Variants in ZNF251 observed in about 807,000 individuals in gnomAD.
The protein encoded by ZNF251 is zinc finger protein 251.
A neutral mutation model predicts 13.5 loss-of-function variants in ZNF251; 14 were observed. The observed-to-expected ratio is 1.04, with a 90% confidence interval of 0.69 to 1.63. The LOEUF (loss-of-function observed/expected upper bound fraction) is 1.63. ZNF251 is among the 40% of genes most tolerant of loss of function. ZNF251 has a pLI of 0.00. For missense variants in ZNF251, 764 were observed against 834.9 expected (o/e 0.92, Z 1.05); for synonymous variants, 287 against 295.2 (o/e 0.97, Z 0.28).
intron 1 of ZNF251, 76 bp from the exon 2 acceptor site, chr8:144,754,879 T>G: frequency 6.8e-7 from 1 of 1,465,692 alleles, no homozygotes; most frequent in Non-Finnish European, 9.0e-7. Context: ...AGAAGCTGAT[T>G]GCTGCTGTGG....
At chr8:144,723,437 T>A (rs1377772687) in intron 4 of ZNF251, 55 bp from the exon 5 acceptor site, 8 of 1,304,744 alleles carry the variant, frequency 6.1e-6, no homozygotes, top group Non-Finnish European at 8.0e-6. Flanking sequence ...TCAGGCATAA[T>A]GTCCATAATG....
chr8:144,722,221 T>C lies in ZNF251; in HGVS notation c.1439A>G (p.Gln480Arg). 6.2e-7 allele frequency: 1 copy of C among 1,613,852 alleles called. No individual in the cohort carries two copies. Among genetic ancestry groups the C allele is most frequent in the Non-Finnish European group, 8.5e-7 (1 of 1,179,934 alleles). ...GGGCTTCTCTCCAGTGTGAACTCGC[T>C]GATGTAGGGTGAGCTGGGAGCTCTG... ...FSQSSQLTLH[Q>R]RVHTGEKPYD... The change falls in exon 5 of 5, where the codon CAG becomes CGG. Residue 480 changes from glutamine to arginine, a missense_variant. Physicochemically the swap from Gln to Arg is conservative, Grantham distance 43. Transcript: ENST00000292562. This position sits in a 1 kb window ranked among gnomAD's most constrained non-coding sequence, Gnocchi z 4.8.
At chr8:144,741,372 TCACA>T (rs1195823392) in intron 4 of ZNF251, among the ~76,000 whole-genome samples, 6 of 150,788 alleles carry the variant, frequency 4.0e-5, no homozygotes, top group Admixed American at 6.6e-5. Context: ...ATACACACAC[TCACA>T]CACACTCACA....
In ZNF251 at chr8:144,722,051, T is replaced by A. The variant is rs1823385771; in HGVS notation, c.1609A>T (p.Ile537Phe). 2 of 1,613,400 alleles carry A rather than the reference T, an allele frequency of 1.2e-6. No homozygotes were observed. Among genetic ancestry groups the A allele is most frequent in the Non-Finnish European group, 1.7e-6 (2 of 1,179,650 alleles). The change falls in exon 5 of 5, where the codon ATT (isoleucine) becomes TTT (phenylalanine). Residue 537 changes from isoleucine to phenylalanine, a missense_variant. Physicochemically the swap from Ile to Phe is conservative, Grantham distance 21 (BLOSUM62 0). Transcript: ENST00000292562. This position sits in a 1 kb window ranked among gnomAD's most constrained non-coding sequence, Gnocchi z 4.8. ...CTGCCGTGCTTCTCTCCAGTGGGAA[T>A]CTGTCCATCTGCTGTGAGGCTGGAG... The part of the protein sequence containing the change: ...HGSSLTADGQ[I>F]PTGEKHGRAF...
chr8:144,735,759 T>C (rs1176772218), intron 4 of ZNF251, among the ~76,000 whole-genome samples: 1 of 152,176 alleles, frequency 6.6e-6, no homozygotes, highest in African/African-American at 2.4e-5. Flanking sequence ...TGCTAAGTGA[T>C]GGCAGACAGC....
At position 144,721,702 on chromosome 8, in the gene ZNF251, T is replaced by A; in HGVS notation, c.1958A>T (p.Asp653Val). The change falls in exon 5 of 5, where the codon GAT becomes GTT. Residue 653 changes from aspartate to valine, a missense_variant. By Grantham distance (152) the Asp-to-Val change is radical. Transcript: ENST00000292562. The part of the protein sequence containing the change: ...TRVGEKPALN[D>V]GSKRYFIHIK... Reference sequence around the variant, plus strand: ...ATGAATAAAGTATCTTTTAGAGCCATCATTTAAAGCAGGTTTCTCTCCAAC... The same window carrying A: ...ATGAATAAAGTATCTTTTAGAGCCAACATTTAAAGCAGGTTTCTCTCCAAC... 1 of 1,372,344 alleles carries A rather than the reference T, an allele frequency of 7.3e-7. No homozygotes were observed. Among genetic ancestry groups the A allele is most frequent in the Non-Finnish European group, 9.5e-7 (1 of 1,054,588 alleles). The allele number at this position is 1,372,344 out of a possible 1,614,324, so 85.0% of individuals were successfully genotyped here.
rs1410780747 is a variant in ZNF251, at chr8:144,754,321, C to G, written c.34G>C (p.Glu12Gln). Reference sequence around the variant, plus strand: ...ACATCCTGGAAGGTCAGCGGCATCTCCTGCAACAAAACATCGCCGCTGCCC... The same window carrying G: ...ACATCCTGGAAGGTCAGCGGCATCTGCTGCAACAAAACATCGCCGCTGCCC... ...AATFQLPGHQEMPLTFQDVAV... is the reference protein window; with the variant it reads ...AATFQLPGHQQMPLTFQDVAV... The change falls in exon 3 of 5, where the codon GAG (glutamate) becomes CAG (glutamine). Residue 12 changes from glutamate (E) to glutamine (Q), a missense_variant and splice_region_variant. Transcript: ENST00000292562. 1 of 1,605,556 alleles carries G rather than the reference C, an allele frequency of 6.2e-7. No individual in the cohort carries two copies. The highest frequency in any genetic ancestry group is 1.7e-5 in the Admixed American group (1 of 58,450).
chr8:144,755,454 C>T lies in ZNF251; in HGVS notation c.-125G>A, dbSNP rs1423151621. ...ACCGAGGAAGCGCCGAGGAGCTGCG[C>T]AGTCGCACCGAGCCCGGAACGGACC... is the stretch of plus-strand genomic sequence containing the variant. On this transcript the variant is annotated 5_prime_UTR_variant, in exon 1 of 5. Transcript: ENST00000292562. The T allele has an allele frequency of 2.3e-6, 3 of 1,287,150 alleles. No homozygotes were observed. The highest frequency in any genetic ancestry group is 3.0e-6 in the Non-Finnish European group (3 of 988,790). The allele number at this position is 1,287,150 out of a possible 1,614,324, so 79.7% of individuals were successfully genotyped here. A position where few individuals can be genotyped will look rare whatever the true frequency, so the allele number is the denominator to read the frequency against.
chr8:144,731,231 TCAACA>T (rs1416042998), intron 4 of ZNF251, among the ~76,000 whole-genome samples: 3 of 152,134 alleles, frequency 2.0e-5, no homozygotes, highest in Non-Finnish European at 4.4e-5. Flanking sequence ...AATATCTCAA[TCAACA>T]CTTTAGTCAA....
At chr8:144,740,820 C>A (rs1015889336) in intron 4 of ZNF251, among the ~76,000 whole-genome samples, 17 of 151,920 alleles carry the variant, frequency 1.1e-4, no homozygotes, top group African/African-American at 4.1e-4. Context: ...GTAATCCCAG[C>A]TACTCGGGAG....
chr8:144,750,846 GTTT>G (rs58473905), intron 4 of ZNF251, among the ~76,000 whole-genome samples: 1 of 141,314 alleles, frequency 7.1e-6, no homozygotes, highest in Non-Finnish European at 1.5e-5. Context: ...TCTCTCCAGA[GTTT>G]TTTTTTTTTC....
At chr8:144,732,535 G>A (rs895695387) in intron 4 of ZNF251, among the ~76,000 whole-genome samples, 11 of 152,060 alleles carry the variant, frequency 7.2e-5, no homozygotes, top group Non-Finnish European at 1.3e-4. Flanking sequence ...GAGCCAAGCC[G>A]GGCGCGGTGG....
chr8:144,746,966 T>C (rs536131143), intron 4 of ZNF251, among the ~76,000 whole-genome samples: 1 of 152,324 alleles, frequency 6.6e-6, no homozygotes, highest in African/African-American at 2.4e-5. Context: ...ATTTCATTGA[T>C]TTCTGCTTGA....
intron 4 of ZNF251, among the ~76,000 whole-genome samples, chr8:144,723,602 T>C (rs1439657844): frequency 6.6e-6 from 1 of 152,158 alleles, no homozygotes; most frequent in East Asian, 1.9e-4. Context: ...TCAAAACAAA[T>C]TACGATTTTT....
intron 4 of ZNF251, among the ~76,000 whole-genome samples, chr8:144,736,063 C>A (rs115107683): frequency 0.027 from 4,044 of 152,316 alleles, 178 homozygotes; most frequent in African/African-American, 0.093. Context: ...TGGGCCCCCA[C>A]GCTGGGCGGC....
chr8:144,753,975 G>A (rs1264831312), intron 3 of ZNF251, among the ~76,000 whole-genome samples, 179 bp from the exon 4 acceptor site: 1 of 152,156 alleles, frequency 6.6e-6, no homozygotes, highest in Non-Finnish European at 1.5e-5. Flanking sequence ...GCCACTGGAG[G>A]GACACCAGTG....
chr8:144,724,039 C>T lies in ZNF251; in HGVS notation c.278-657G>A, dbSNP rs113576063. Among the ~76,000 whole-genome samples, 9 of 152,098 alleles carry T rather than the reference C, an allele frequency of 5.9e-5. No individual in the cohort carries two copies. The South Asian group carries it at 6.2e-4, about 11-fold the overall frequency. ...TGGGCGGATCACGAGGTCAGGAGAT[C>T]GAGACCATCCTGGGTAACACGGTGA... On this transcript the variant is annotated intron_variant, in intron 4 of 4. Coordinates refer to ENST00000292562, the MANE Select transcript of ZNF251 (RefSeq NM_138367.2).
chr8:144,731,323 AGT>A (rs1243329213), intron 4 of ZNF251, among the ~76,000 whole-genome samples: 6 of 152,212 alleles, frequency 3.9e-5, no homozygotes, highest in Non-Finnish European at 7.3e-5. Context: ...CAGCTCCAAA[AGT>A]GTGTGTTTCC....
At chr8:144,733,220 A>G (rs1019992064) in intron 4 of ZNF251, among the ~76,000 whole-genome samples, 2 of 152,186 alleles carry the variant, frequency 1.3e-5, no homozygotes, top group African/African-American at 4.8e-5. Context: ...CTCCGTCTCA[A>G]AACAAAACAA....
Sources: gnomAD v4.1 joint callset for allele counts (sites outside exome capture counted in the v4.1 genomes callset) on GRCh38, gnomAD v4.1.1 for gene constraint, Gnocchi (gnomAD v3.1) non-coding constraint, MANE v1.5 for transcripts, NCBI Gene and HGNC (gene_info 2026-07-23, HGNC 2026-07-21) for gene names.